Variants in LFNG observed in about 807,000 individuals in gnomAD.
LFNG encodes the protein beta-1,3-N-acetylglucosaminyltransferase lunatic fringe.
LFNG carries 15 observed loss-of-function variants against 32.7 expected under a neutral mutation model. That is an observed-to-expected ratio of 0.46 (90% CI 0.31 to 0.71). The LOEUF (loss-of-function observed/expected upper bound fraction) is 0.71, where lower values mean the gene tolerates loss of function less well. LFNG is among the 30% of genes least tolerant of loss of function. LFNG has a pLI of 0.06. For missense variants in LFNG, 520 were observed against 545.7 expected (o/e 0.95, Z 0.47); for synonymous variants, 274 against 246.8 (o/e 1.11, Z -1.03).
At chr7:2,521,159 G>A (rs1241574806) in intron 1 of LFNG, among the ~76,000 whole-genome samples, 3 of 152,074 alleles carry the variant, frequency 2.0e-5, no homozygotes, top group Non-Finnish European at 4.4e-5. Context: ...CTGACCTGGC[G>A]CTGTCCTGTT....
chr7:2,524,447 G>A (rs568790221), intron 1 of LFNG, among the ~76,000 whole-genome samples: 148 of 152,356 alleles, frequency 9.7e-4, no homozygotes, highest in African/African-American at 3.3e-3. Flanking sequence ...TGTCGAGGTT[G>A]GGGAGTGAGG....
chr7:2,519,723 G>A (rs1779726744), upstream of LFNG: 1 of 380,076 alleles, frequency 2.6e-6, no homozygotes, highest in South Asian at 1.1e-4. Flanking sequence ...AGCGCACGGG[G>A]GCGGGACCGG....
downstream of LFNG, chr7:2,529,134 G>GT: frequency 2.7e-6 from 1 of 364,114 alleles, no homozygotes; most frequent in Non-Finnish European, 4.9e-6. The surrounding 1 kb of genome is among the most constrained non-coding windows in gnomAD (Gnocchi z 4.2). Context: ...CCAGACGCTT[G>GT]TTTTTTAAAT....
downstream of LFNG, chr7:2,528,875 TG>T: frequency 1.7e-6 from 1 of 575,294 alleles, no homozygotes; most frequent in Admixed American, 3.2e-5. Context: ...ACTTTGCAGG[TG>T]GGGAAACTGA....
At position 2,525,267 on chromosome 7, in the gene LFNG, T is replaced by A. The variant is rs1779926823; in HGVS notation, c.530T>A (p.Leu177Gln). 6.2e-7 allele frequency: 1 copy of A among 1,612,906 alleles called. No individual in the cohort carries two copies. Among genetic ancestry groups the A allele is most frequent in the Non-Finnish European group, 8.5e-7 (1 of 1,179,912 alleles). Residue 177 changes from leucine to glutamine, a missense_variant, in exon 3 of 8, where the codon CTG (leucine) becomes CAG (glutamine). This residue lies in a region of LFNG where 360 missense variants were observed against 354.7 expected (regional missense o/e 1.01). Transcript: ENST00000222725. ...TCGGCCGCCCACAGCCGCCAGGCGC[T>A]GTCCTGCAAGATGGCCGTGGAGTAT... ...NCSAAHSRQA[L>Q]SCKMAVEYDR...
chr7:2,528,633 C>T (rs554635451), downstream of LFNG, among the ~76,000 whole-genome samples: 12 of 152,168 alleles, frequency 7.9e-5, no homozygotes, highest in African/African-American at 1.2e-4. Flanking sequence ...GCGGCCCACC[C>T]AGGGTCAGGG....
At chr7:2,521,375 G>A (rs1225479952) in intron 1 of LFNG, among the ~76,000 whole-genome samples, 1 of 152,216 alleles carries the variant, frequency 6.6e-6, no homozygotes, top group African/African-American at 2.4e-5. Flanking sequence ...TGGCGGCCGG[G>A]CCGTTAGGAT....
rs922504502 is a variant in LFNG, at chr7:2,525,166, C to A, written c.482-53C>A. 35 of 1,500,216 alleles carry A rather than the reference C, an allele frequency of 2.3e-5. No homozygotes were observed. In the African/African-American group the frequency reaches 4.6e-4, roughly 20 times the overall value. The allele number at this position is 1,500,216 out of a possible 1,614,324, so 92.9% of individuals were successfully genotyped here. A position where few individuals can be genotyped will look rare whatever the true frequency, so the allele number is the denominator to read the frequency against. On this transcript the variant is annotated intron_variant, in intron 2 of 7. Coordinates refer to ENST00000222725, the MANE Select transcript of LFNG (RefSeq NM_001040167.2). ...GCCCTGTGGCGTCCCCCAGGCCAGGCCCCTCTCTGGGAGCCGGCTCAGACC... is the reference window on the plus strand; with the variant it reads ...GCCCTGTGGCGTCCCCCAGGCCAGGACCCTCTCTGGGAGCCGGCTCAGACC...
chr7:2,517,217 T>C (rs991696527), upstream of LFNG, among the ~76,000 whole-genome samples: 8 of 151,734 alleles, frequency 5.3e-5, no homozygotes, highest in African/African-American at 1.2e-4. Context: ...CCCTCAACAG[T>C]TTTCAGACCT....
At chr7:2,516,879 G>A (rs544204591), upstream of LFNG, among the ~76,000 whole-genome samples, 7 of 152,314 alleles carry the variant, frequency 4.6e-5, no homozygotes, top group Middle Eastern at 6.8e-3. Context: ...TAACACCACC[G>A]GTTCAAGGTC....
chr7:2,515,368 T>A (rs1779604055), upstream of LFNG, among the ~76,000 whole-genome samples: 1 of 152,146 alleles, frequency 6.6e-6, no homozygotes, highest in Non-Finnish European at 1.5e-5. Context: ...AGAGGCAGCC[T>A]CTTCCCCCAG....
rs1299301264 is a variant in LFNG, at chr7:2,526,852, G to GTATGTTTGA, written c.1005_1013dup (p.Phe337_Glu338insAspMetPhe). 1 of 1,612,452 alleles carries GTATGTTTGA rather than the reference G, an allele frequency of 6.2e-7. No homozygotes were observed. Among genetic ancestry groups the GTATGTTTGA allele is most frequent in the Admixed American group, 1.7e-5 (1 of 59,990 alleles). On this transcript the variant is annotated inframe_insertion, in exon 7 of 8. Coordinates refer to ENST00000222725, the MANE Select transcript of LFNG (RefSeq NM_001040167.2). The surrounding 1 kb of genome is among the most constrained non-coding windows in gnomAD (Gnocchi z 6.9). ...TCCCCACAGGTGACGCTGAGCTACGGTATGTTTGAAAACAAGCGGAACGCC... is the reference window on the plus strand; with the variant it reads ...TCCCCACAGGTGACGCTGAGCTACGGTATGTTTGATATGTTTGAAAACAAGCGGAACGCC...
rs756038790 is a variant in LFNG at position 2,526,304 on chromosome 7, C to T, written c.882C>T (p.Gly294=). 9.9e-6 allele frequency: 16 copies of T among 1,612,892 alleles called. No homozygotes were observed. In the African/African-American group the frequency reaches 1.6e-4, roughly 16 times the overall value. Residue 294 remains glycine (G), a synonymous_variant, in exon 6 of 8, where the codon GGC becomes GGT. Coordinates refer to ENST00000222725, the MANE Select transcript of LFNG (RefSeq NM_001040167.2). The surrounding 1 kb of genome is among the most constrained non-coding windows in gnomAD (Gnocchi z 6.9). ...RIRLPDDCTI[G]YIVEALLGVP... ...GGCTGCCTGATGACTGCACCATCGG[C>T]TACATCGTGGAGGCCCTGCTGGGTG... is the stretch of plus-strand genomic sequence containing the variant.
chr7:2,512,839 C>G lies in LFNG; in HGVS notation c.47+138C>G, dbSNP rs1310125459. The stretch of plus-strand genomic sequence containing the variant: ...TCCTCAGGCTTCTCTTTATCTCCAG[C>G]CTCACCTCCATGAATGCCCCACACA... On this transcript the variant is annotated intron_variant, in intron 1 of 8. Coordinates refer to the LFNG transcript ENST00000402506. The G allele has an allele frequency of 6.3e-5, 51 of 808,480 alleles. No individual in the cohort carries two copies. The East Asian group carries it at 1.4e-3, about 22-fold the overall frequency. The allele number at this position is 808,480 out of a possible 1,614,324, so 50.1% of individuals were successfully genotyped here.
rs1051793207 is a variant in LFNG, at chr7:2,526,557, A to G, written c.987+148A>G. 2.0e-5 allele frequency: 18 copies of G among 879,854 alleles called. No individual in the cohort carries two copies. Among genetic ancestry groups the G allele is most frequent in the East Asian group, 1.1e-4 (4 of 38,072 alleles). The allele number at this position is 879,854 out of a possible 1,614,324, so 54.5% of individuals were successfully genotyped here. On this transcript the variant is annotated intron_variant, in intron 6 of 7. Transcript: ENST00000222725. The surrounding 1 kb of genome is among the most constrained non-coding windows in gnomAD (Gnocchi z 6.9). ...TCAGCCAGGGGGGGTCACTCCTGCC[A>G]TGAGCTCAAAGCTGTTTATGGCGGG... is the stretch of plus-strand genomic sequence containing the variant.
At chr7:2,512,688 A>G (rs1216218984) in exon 1 of LFNG, 1 of 1,613,754 alleles carries the variant, frequency 6.2e-7, no homozygotes, top group South Asian at 1.1e-5. Flanking sequence ...CAGGCTGGAC[A>G]CGTATTGTAT....
Position 2,520,987 on chromosome 7 carries a change from T to C in LFNG, c.432+694T>C, listed in dbSNP as rs1222378082. Among the ~76,000 whole-genome samples the C allele has an allele frequency of 2.0e-5, 3 of 152,150 alleles. No individual in the cohort carries two copies. Among genetic ancestry groups the C allele is most frequent in the African/African-American group, 7.2e-5 (3 of 41,440 alleles). Reference sequence around the variant, plus strand: ...TTCCCTCGAGGCCACAGCAGGACGGTTGGGCTGGGGCGGGATGGGGACAGT... The same window carrying C: ...TTCCCTCGAGGCCACAGCAGGACGGCTGGGCTGGGGCGGGATGGGGACAGT... On this transcript the variant is annotated intron_variant, in intron 1 of 7. Transcript: ENST00000222725. The surrounding 1 kb of genome is among the most constrained non-coding windows in gnomAD (Gnocchi z 5.0).
chr7:2,521,533 G>A (rs999673101), intron 1 of LFNG, among the ~76,000 whole-genome samples: 1 of 152,232 alleles, frequency 6.6e-6, no homozygotes. Flanking sequence ...GTTGCCTGGC[G>A]ATGAGGGGAC....
upstream of LFNG, among the ~76,000 whole-genome samples, chr7:2,515,762 C>T (rs1779613983): frequency 6.6e-6 from 1 of 152,216 alleles, no homozygotes; most frequent in Non-Finnish European, 1.5e-5. Context: ...GGCCCAAGAC[C>T]ACACAGTGGG....
Sources: allele counts gnomAD v4.1 joint callset (sites outside exome capture counted in the v4.1 genomes callset), GRCh38; gene constraint gnomAD v4.1.1; regional missense constraint gnomAD v4.1.1; non-coding constraint Gnocchi (gnomAD v3.1); transcripts MANE v1.5; gene names NCBI Gene and HGNC (gene_info 2026-07-23, HGNC 2026-07-21).